Variants in ZSWIM6 observed in about 807,000 individuals in gnomAD.
ZSWIM6 encodes zinc finger SWIM domain-containing protein 6.
In ZSWIM6, 9 loss-of-function variants were observed where a neutral mutation model predicts 113.2. That is an observed-to-expected ratio of 0.08 (90% CI 0.05 to 0.14). The LOEUF (loss-of-function observed/expected upper bound fraction) is 0.14, where lower values mean the gene tolerates loss of function less well. Ranked by LOEUF, ZSWIM6 falls within the 10% of genes least tolerant of loss-of-function variation. The pLI, the probability that ZSWIM6 is intolerant of heterozygous loss-of-function variation, is 1.00. For missense variants in ZSWIM6, 1,162 were observed against 1,552.2 expected, an observed-to-expected ratio of 0.75 and a Z score of 4.22; for synonymous variants, 611 against 606.5, an observed-to-expected ratio of 1.01 and a Z score of -0.11.
intron 1 of ZSWIM6, among the ~76,000 whole-genome samples, chr5:61,399,294 G>C (rs894678947): frequency 5.7e-5 from 7 of 123,166 alleles, no homozygotes; most frequent in African/African-American, 2.2e-4. Context: ...TGTTTTATTT[G>C]AAAACACTGA....
At chr5:61,445,053 A>G (rs1561240235) in intron 1 of ZSWIM6, among the ~76,000 whole-genome samples, 1 of 152,256 alleles carries the variant, frequency 6.6e-6, no homozygotes, top group Non-Finnish European at 1.5e-5. Context: ...TTTGGTGTCT[A>G]GTAGTTGCTG....
At chr5:61,361,872 T>C (rs1745038006) in intron 1 of ZSWIM6, among the ~76,000 whole-genome samples, 1 of 152,220 alleles carries the variant, frequency 6.6e-6, no homozygotes, top group African/African-American at 2.4e-5. Flanking sequence ...GTGGAAAATA[T>C]ACTTTAAGGA....
intron 1 of ZSWIM6, among the ~76,000 whole-genome samples, chr5:61,355,849 G>T (rs1003385007): frequency 2.6e-5 from 4 of 152,134 alleles, no homozygotes; most frequent in Non-Finnish European, 4.4e-5. Flanking sequence ...AGTATTATTA[G>T]AATTAATTTA....
intron 1 of ZSWIM6, among the ~76,000 whole-genome samples, chr5:61,372,770 A>G (rs951941522): frequency 3.3e-5 from 5 of 152,080 alleles, no homozygotes; most frequent in African/African-American, 4.8e-5. Flanking sequence ...GCTTTTCTCT[A>G]TTAGTTTCCT....
rs192246336 is a variant in ZSWIM6, at chr5:61,335,696, G to A, written c.676+2748G>A. ...GAAAGTATTCATTGACTTTTGTAGA[G>A]ATGACTAAATTATAGCTACAATAGG... On this transcript the variant is annotated intron_variant, in intron 1 of 13. Transcript: ENST00000252744. Among the ~76,000 whole-genome samples, 541 of 152,334 alleles carry A rather than the reference G, an allele frequency of 3.6e-3. 3 individuals carry two copies. The highest frequency in any genetic ancestry group is 5.7e-3 in the Non-Finnish European group (388 of 68,036).
At chr5:61,345,743 G>A (rs10471270) in intron 1 of ZSWIM6, among the ~76,000 whole-genome samples, 5,411 of 152,090 alleles carry the variant, frequency 0.036, 338 homozygotes, top group African/African-American at 0.12. Flanking sequence ...CCCTTCTTAA[G>A]GTAACACAAA....
At chr5:61,441,146 A>G (rs1191635479) in intron 1 of ZSWIM6, among the ~76,000 whole-genome samples, 5 of 152,200 alleles carry the variant, frequency 3.3e-5, no homozygotes, top group Non-Finnish European at 7.3e-5. Context: ...TCTAGATTAG[A>G]GATAATCTAC....
chr5:61,440,360 TAAAA>T (rs11356012), intron 1 of ZSWIM6, among the ~76,000 whole-genome samples: 9 of 113,092 alleles, frequency 8.0e-5, no homozygotes, highest in Admixed American at 9.2e-5. Context: ...TTCATTGGTG[TAAAA>T]AAAAAAAAAA....
At chr5:61,508,554 C>T (rs568970193) in intron 4 of ZSWIM6, among the ~76,000 whole-genome samples, 1 of 152,288 alleles carries the variant, frequency 6.6e-6, no homozygotes, top group African/African-American at 2.4e-5. Context: ...ATTTTGTAAT[C>T]TAGCAGATTT....
chr5:61,528,718 G>C (rs186269436), intron 7 of ZSWIM6, among the ~76,000 whole-genome samples: 156 of 151,982 alleles, frequency 1.0e-3, no homozygotes, highest in African/African-American at 3.7e-3. Flanking sequence ...CTCCCGAGTA[G>C]CTGGGATTAT....
intron 4 of ZSWIM6, among the ~76,000 whole-genome samples, chr5:61,505,728 CCT>C (rs201304487): frequency 7.1e-4 from 88 of 123,794 alleles, no homozygotes; most frequent in Non-Finnish European, 9.5e-4. Context: ...TCCTTCCTTC[CCT>C]CTCTCTCTCT....
intron 3 of ZSWIM6, among the ~76,000 whole-genome samples, chr5:61,491,702 G>A (rs1580034018): frequency 6.6e-6 from 1 of 151,896 alleles, no homozygotes; most frequent in African/African-American, 2.4e-5. Context: ...ATTTTCATTG[G>A]GGGTATAGTC....
Position 61,545,091 on chromosome 5 carries a change from CTG to C in ZSWIM6, c.*775_*776del, listed in dbSNP as rs1326703308. On this transcript the variant is annotated 3_prime_UTR_variant, in exon 14 of 14. Transcript: ENST00000252744. ...GTTTTAAACAAAAACAAAAAAAAAA[CTG>C]AGAGAAAACCTATCAGAAGGACTAA... 1.1e-4 allele frequency: 15 copies of C among 139,592 alleles called. No individual in the cohort carries two copies. The highest frequency in any genetic ancestry group is 1.0e-3 in the Admixed American group (14 of 14,062). The allele number at this position is 139,592 out of a possible 1,614,324, so 8.6% of individuals were successfully genotyped here.
chr5:61,494,463 TAGTC>T (rs1748268457), intron 4 of ZSWIM6, 53 bp downstream of exon 4: 6 of 1,542,598 alleles, frequency 3.9e-6, no homozygotes, highest in Middle Eastern at 1.9e-4. Flanking sequence ...ATAAATACCA[TAGTC>T]AGATGTTTCA....
At chr5:61,405,174 C>G (rs1375039433) in intron 1 of ZSWIM6, among the ~76,000 whole-genome samples, 1 of 152,130 alleles carries the variant, frequency 6.6e-6, no homozygotes, top group African/African-American at 2.4e-5. Flanking sequence ...CTTTTGTCTT[C>G]TTTTATATTC....
intron 1 of ZSWIM6, among the ~76,000 whole-genome samples, chr5:61,399,239 T>G (rs1269478042): frequency 1.3e-5 from 2 of 150,632 alleles, no homozygotes; most frequent in Non-Finnish European, 2.9e-5. Context: ...ATGTTTTTTT[T>G]TTTTTTTTTT....
chr5:61,389,825 A>G (rs1745667106), intron 1 of ZSWIM6, among the ~76,000 whole-genome samples: 1 of 152,222 alleles, frequency 6.6e-6, no homozygotes, highest in South Asian at 2.1e-4. Context: ...CATGCTGGGC[A>G]GAGAATAATT....
intron 1 of ZSWIM6, chr5:61,375,130 C>T (rs1362756675): frequency 1.9e-6 from 3 of 1,610,300 alleles, no homozygotes; most frequent in African/African-American, 1.3e-5. Context: ...GCGGGACAAT[C>T]GGGTGGCCTA....
chr5:61,375,469 G>T (rs1579961195), intron 1 of ZSWIM6: 1 of 1,549,006 alleles, frequency 6.5e-7, no homozygotes, highest in East Asian at 2.4e-5. Flanking sequence ...CAGTTCTTCT[G>T]ATTCTGAAGA....
Sources: allele counts gnomAD v4.1 joint callset (sites outside exome capture counted in the v4.1 genomes callset), GRCh38; gene constraint gnomAD v4.1.1; transcripts MANE v1.5; gene names NCBI Gene and HGNC (gene_info 2026-07-23, HGNC 2026-07-21).